The following ACAD10 variants were observed in gnomAD, a reference collection of about 807,000 sequenced individuals.
The protein encoded by ACAD10 is acyl-CoA dehydrogenase family member 10, also known as ACAD-10.
A neutral mutation model predicts 116.8 loss-of-function variants in ACAD10; 112 were observed. The ratio of observed to expected loss-of-function variants is 0.96; its 90% CI spans 0.82 to 1.12. The LOEUF (loss-of-function observed/expected upper bound fraction) is 1.12. Ranked by LOEUF, ACAD10 falls within the 50% of genes most tolerant of loss-of-function variation. ACAD10 has a pLI of 0.00. For synonymous variants in ACAD10, 486 were observed against 510.6 expected, an observed-to-expected ratio of 0.95 and a Z score of 0.65; for missense variants, 1,259 against 1,350.2, an observed-to-expected ratio of 0.93 and a Z score of 1.06.
chr12:111,728,129 A>G lies in ACAD10; in HGVS notation c.1229A>G (p.Asp410Gly), dbSNP rs1160304006. ...SVDLQAVGLE[D>G]YGKQGDYIPR... ...GATCTGCAGGCTGTGGGACTTGAAGACTATGGGAAGCAAGGTGAGCAGGAG... is the reference window on the plus strand; with the variant it reads ...GATCTGCAGGCTGTGGGACTTGAAGGCTATGGGAAGCAAGGTGAGCAGGAG... Residue 410 changes from aspartate to glycine, a missense_variant, in exon 9 of 21, where the codon GAC becomes GGC. Transcript: ENST00000313698. 6.2e-7 allele frequency: 1 copy of G among 1,607,356 alleles called. No homozygotes were observed. The highest frequency in any genetic ancestry group is 8.5e-7 in the Non-Finnish European group (1 of 1,176,556).
intron 11 of ACAD10, among the ~76,000 whole-genome samples, chr12:111,734,711 G>A (rs186730484): frequency 2.0e-3 from 306 of 152,256 alleles, no homozygotes; most frequent in African/African-American, 6.9e-3. Context: ...ATCATTAGTA[G>A]TCCCAGAGAT....
intron 20 of ACAD10, 127 bp from the exon 21 acceptor site, chr12:111,756,206 A>G: frequency 1.4e-6 from 2 of 1,443,098 alleles, no homozygotes; most frequent in South Asian, 3.0e-5. Context: ...TGATTGTATC[A>G]CATAGGTGCC....
intron 3 of ACAD10, among the ~76,000 whole-genome samples, chr12:111,703,736 G>A (rs1380527866): frequency 7.2e-5 from 11 of 152,056 alleles, no homozygotes; most frequent in Admixed American, 7.2e-4. Flanking sequence ...TACTTGGGAG[G>A]CTGAGGCAGG....
At chr12:111,712,379 A>C in intron 5 of ACAD10, 119 bp from the exon 6 acceptor site, 1 of 923,830 alleles carries the variant, frequency 1.1e-6, no homozygotes, top group Non-Finnish European at 1.6e-6. Context: ...CTGCACCTGT[A>C]CTACCATGAA....
At chr12:111,717,650 C>G (rs556257988) in intron 7 of ACAD10, among the ~76,000 whole-genome samples, 1 of 151,232 alleles carries the variant, frequency 6.6e-6, no homozygotes, top group African/African-American at 2.4e-5. Flanking sequence ...ACTATAATCT[C>G]GAACTCCTGG....
At chr12:111,726,859 TCAA>T (rs1889228621) in intron 8 of ACAD10, among the ~76,000 whole-genome samples, 2 of 151,534 alleles carry the variant, frequency 1.3e-5, no homozygotes, top group Admixed American at 1.3e-4. Context: ...AGACTCCATC[TCAA>T]CAACAAAGCT....
rs758153726 is a variant in ACAD10, at chr12:111,749,179, A to G, written c.2651A>G (p.His884Arg). The G allele has an allele frequency of 5.0e-6, 8 of 1,612,904 alleles. No individual in the cohort carries two copies. In the Admixed American group the frequency reaches 5.0e-5, roughly 10 times the overall value. ...VYGLEDAPGG[H>R]GEVRFEHVRV... Reference sequence around the variant, plus strand: ...GATCGTTTGGGTCTTTCAGGTGGCCATGGTGAAGTCCGATTTGAGCACGTG... The same window carrying G: ...GATCGTTTGGGTCTTTCAGGTGGCCGTGGTGAAGTCCGATTTGAGCACGTG... Residue 884 changes from histidine to arginine, a missense_variant, in exon 18 of 21, where the codon CAT (histidine) becomes CGT (arginine). Transcript: ENST00000313698.
intron 13 of ACAD10, 164 bp downstream of exon 13, chr12:111,745,207 G>A: frequency 1.3e-6 from 1 of 782,628 alleles, no homozygotes; most frequent in Non-Finnish European, 2.0e-6. Flanking sequence ...TCATGACTCA[G>A]TTTCCATCTC....
chr12:111,756,392 C>G lies in ACAD10; in HGVS notation c.3099C>G (p.Ala1033=). 3 of 1,612,120 alleles carry G rather than the reference C, an allele frequency of 1.9e-6. No individual in the cohort carries two copies. The highest frequency in any genetic ancestry group is 2.5e-6 in the Non-Finnish European group (3 of 1,179,690). Residue 1033 remains alanine, a synonymous_variant, in exon 21 of 21, where the codon GCC becomes GCG. Transcript: ENST00000313698. ...CACTGGCTCAGTTCTTCACCTGGGCCCGAGCCCTGCGCTTTGCCGACGGCC... is the reference window on the plus strand; with the variant it reads ...CACTGGCTCAGTTCTTCACCTGGGCGCGAGCCCTGCGCTTTGCCGACGGCC... ...DYPLAQFFTW[A]RALRFADGPD...
At chr12:111,697,856 T>C (rs1473437984) in intron 2 of ACAD10, among the ~76,000 whole-genome samples, 2 of 151,962 alleles carry the variant, frequency 1.3e-5, no homozygotes, top group Admixed American at 1.3e-4. Flanking sequence ...AGTGCTGGGA[T>C]TATAGGTGTA....
chr12:111,729,245 C>CT (rs958321481), intron 9 of ACAD10, among the ~76,000 whole-genome samples: 7 of 151,312 alleles, frequency 4.6e-5, no homozygotes, highest in Non-Finnish European at 8.9e-5. Context: ...CACAGAAGAT[C>CT]TTTTTTTTTG....
chr12:111,749,161 T>C lies in ACAD10; in HGVS notation c.2645-12T>C. The C allele has an allele frequency of 6.2e-7, 1 of 1,612,664 alleles. No homozygotes were observed. The highest frequency in any genetic ancestry group is 8.5e-7 in the Non-Finnish European group (1 of 1,178,760). On this transcript the variant is annotated splice_polypyrimidine_tract_variant and intron_variant, in intron 17 of 20. Coordinates refer to ENST00000313698, the MANE Select transcript of ACAD10 (RefSeq NM_025247.6). The stretch of plus-strand genomic sequence containing the variant: ...ATGGCTATTGCTCACAGTGATCGTT[T>C]GGGTCTTTCAGGTGGCCATGGTGAA...
chr12:111,738,987 G>A (rs1889653592), intron 12 of ACAD10, among the ~76,000 whole-genome samples: 1 of 142,594 alleles, frequency 7.0e-6, no homozygotes, highest in Non-Finnish European at 1.5e-5. Context: ...TCTGAAAATT[G>A]GAAAATGGGG....
intron 7 of ACAD10, among the ~76,000 whole-genome samples, chr12:111,717,504 C>T (rs1399625668): frequency 1.3e-4 from 19 of 151,310 alleles, no homozygotes; most frequent in Non-Finnish European, 2.9e-5. Context: ...CCTATAATAA[C>T]AAATGTGTAT....
chr12:111,749,163 G>T lies in ACAD10; in HGVS notation c.2645-10G>T. The T allele has an allele frequency of 6.2e-7, 1 of 1,612,472 alleles. No homozygotes were observed. ...GGCTATTGCTCACAGTGATCGTTTG[G>T]GTCTTTCAGGTGGCCATGGTGAAGT... On this transcript the variant is annotated splice_polypyrimidine_tract_variant and intron_variant, in intron 17 of 20. Transcript: ENST00000313698.
intron 4 of ACAD10, among the ~76,000 whole-genome samples, chr12:111,706,856 C>T (rs945020589): frequency 2.7e-5 from 4 of 150,910 alleles, no homozygotes; most frequent in African/African-American, 9.8e-5. Context: ...TCACTGCAGC[C>T]TCCACCTTCC....
chr12:111,744,784 A>G lies in ACAD10; in HGVS notation c.1856A>G (p.His619Arg). 6.2e-7 allele frequency: 1 copy of G among 1,614,242 alleles called. No homozygotes were observed. Residue 619 changes from histidine to arginine, a missense_variant, in exon 13 of 21, where the codon CAC becomes CGC. Physicochemically the swap from His to Arg is conservative, Grantham distance 29 (BLOSUM62 0). Transcript: ENST00000313698. Reference protein sequence around the residue: ...PFTNPLTRSYHTWARPQSQWC... With the variant: ...PFTNPLTRSYRTWARPQSQWC... ...ACAAATCCGTTAACAAGGTCCTACC[A>G]CACGTGGGCCAGGCCCCAGTCCCAG...
chr12:111,756,112 G>C (rs558723939), intron 20 of ACAD10: 4 of 1,412,260 alleles, frequency 2.8e-6, no homozygotes. Context: ...GCACAGGGCA[G>C]AAGGCACCTG....
At position 111,712,661 on chromosome 12, in the gene ACAD10, T is replaced by C. The variant is rs369440275; in HGVS notation, c.850+4T>C. On this transcript the variant is annotated splice_donor_region_variant and intron_variant, in intron 6 of 20. Transcript: ENST00000313698. ...TTACTGGGTATCCAGACCACAGGTA[T>C]GTGGGCTTCTTTCATGTTTTGGTAG... 1.4e-5 allele frequency: 23 copies of C among 1,612,744 alleles called. No homozygotes were observed. The African/African-American group carries it at 2.8e-4, about 20-fold the overall frequency.
Sources: gnomAD v4.1 joint callset for allele counts (sites outside exome capture counted in the v4.1 genomes callset) on GRCh38, gnomAD v4.1.1 for gene constraint, MANE v1.5 for transcripts, NCBI Gene and HGNC (gene_info 2026-07-23, HGNC 2026-07-21) for gene names.